The following PAK1 variants were observed in gnomAD, a reference collection of about 807,000 sequenced individuals.
PAK1 encodes p21 (RAC1) activated kinase 1.
A neutral mutation model predicts 67.4 loss-of-function variants in PAK1; 29 were observed. The observed-to-expected ratio is 0.43, with a 90% CI of 0.32 to 0.59. The LOEUF is 0.59. Among genes scored for constraint, PAK1 ranks in the 20% least tolerant of loss-of-function variants. The probability of loss-of-function intolerance (pLI) is 0.07; values close to 1 mark genes in which losing one functional copy is unlikely to be tolerated. For synonymous variants in PAK1, 223 were observed against 237.4 expected, an observed-to-expected ratio of 0.94 and a Z score of 0.56; for missense variants, 337 against 670.7, an observed-to-expected ratio of 0.50 and a Z score of 5.50.
At chr11:77,402,827 G>A (rs1048648438) in intron 1 of PAK1, among the ~76,000 whole-genome samples, 1 of 152,122 alleles carries the variant, frequency 6.6e-6, no homozygotes, top group Admixed American at 6.6e-5. Context: ...ACCTCTAAAA[G>A]GTAATTAGGA....
intron 1 of PAK1, among the ~76,000 whole-genome samples, chr11:77,423,277 C>A (rs934644873): frequency 1.8e-4 from 27 of 150,632 alleles, no homozygotes; most frequent in African/African-American, 6.6e-4. Flanking sequence ...TGAGAATATT[C>A]TTCACAATTT....
At chr11:77,450,708 T>C (rs749163774) in intron 1 of PAK1, among the ~76,000 whole-genome samples, 6 of 152,192 alleles carry the variant, frequency 3.9e-5, no homozygotes, top group Non-Finnish European at 7.4e-5. Flanking sequence ...GTTCCAGTTT[T>C]TGAGACACTT....
At chr11:77,324,570 T>C (rs1339573326) in intron 14 of PAK1, among the ~76,000 whole-genome samples, 1 of 152,172 alleles carries the variant, frequency 6.6e-6, no homozygotes, top group Non-Finnish European at 1.5e-5. Context: ...CTTAAAGCTG[T>C]AGGATGTTCT....
At chr11:77,397,905 A>G (rs932188429) in intron 1 of PAK1, among the ~76,000 whole-genome samples, 4 of 152,270 alleles carry the variant, frequency 2.6e-5, no homozygotes, top group African/African-American at 7.2e-5. Flanking sequence ...GAGTAGGGAT[A>G]GAACCCTCTT....
chr11:77,382,810 C>T (rs939747200), intron 2 of PAK1, among the ~76,000 whole-genome samples: 15 of 152,078 alleles, frequency 9.9e-5, no homozygotes, highest in African/African-American at 3.6e-4. Context: ...CCAGCCTGGC[C>T]AACATGGTGA....
Position 77,423,283 on chromosome 11 carries a change from A to C in PAK1, c.-21-30742T>G, listed in dbSNP as rs547537704. 7.9e-5 allele frequency among the ~76,000 whole-genome samples: 12 copies of C among 151,410 alleles called. No homozygotes were observed. In the East Asian group the frequency reaches 2.3e-3, roughly 29 times the overall value. On this transcript the variant is annotated intron_variant, in intron 1 of 14. Coordinates refer to ENST00000356341, the MANE Select transcript of PAK1 (RefSeq NM_002576.5). ...AAGGAAGACTGAGAATATTCTTCACAATTTGATATATTCCCAATAAGGCAG... is the reference window on the plus strand; with the variant it reads ...AAGGAAGACTGAGAATATTCTTCACCATTTGATATATTCCCAATAAGGCAG...
chr11:77,347,178 T>C, intron 9 of PAK1: 2 of 427,998 alleles, frequency 4.7e-6, no homozygotes, highest in East Asian at 7.1e-5. Flanking sequence ...ACGCATACAA[T>C]GAATTTAAAT....
chr11:77,509,553 T>C, the PAK1 span, among the ~76,000 whole-genome samples: 1 of 152,176 alleles, frequency 6.6e-6, no homozygotes, highest in Non-Finnish European at 1.5e-5. Flanking sequence ...CACAGATAAC[T>C]GGTGATATAG....
At chr11:77,505,350 G>C in the PAK1 span, among the ~76,000 whole-genome samples, 41 of 152,044 alleles carry the variant, frequency 2.7e-4, no homozygotes, top group Non-Finnish European at 5.0e-4. Context: ...ATCAGGCCCA[G>C]CTAATTTTTA....
rs760361839 is a variant in PAK1 at position 77,374,295 on chromosome 11, G to A, written c.477+33C>T. 6 of 1,443,134 alleles carry A rather than the reference G, an allele frequency of 4.2e-6. No homozygotes were observed. The African/African-American group carries it at 8.4e-5, about 20-fold the overall frequency. 89.4% of individuals were successfully genotyped at this position (1,443,134 alleles called of 1,614,324 possible). ...TGTCTTGATCCTTACCTCCACATCT[G>A]CCCACATCAAAATAGAGTAAATAAA... On this transcript the variant is annotated intron_variant, in intron 5 of 14. Transcript: ENST00000356341.
At chr11:77,520,867 C>T in the PAK1 span, among the ~76,000 whole-genome samples, 726 of 152,176 alleles carry the variant, frequency 4.8e-3, 9 homozygotes, top group African/African-American at 0.017. Flanking sequence ...AGTGAGGTGT[C>T]GCTCTTTCTC....
At chr11:77,509,904 T>C in the PAK1 span, among the ~76,000 whole-genome samples, 1 of 152,150 alleles carries the variant, frequency 6.6e-6, no homozygotes, top group South Asian at 2.1e-4. Flanking sequence ...TAAACCTCTC[T>C]TCTGTATAAG....
At chr11:77,469,963 G>C (rs1052350845) in intron 1 of PAK1, among the ~76,000 whole-genome samples, 2 of 152,004 alleles carry the variant, frequency 1.3e-5, no homozygotes, top group African/African-American at 4.8e-5. Flanking sequence ...ACAGTCAAAA[G>C]CCTCGTTTTT....
chr11:77,426,113 C>A (rs1955534610), intron 1 of PAK1, among the ~76,000 whole-genome samples: 1 of 149,110 alleles, frequency 6.7e-6, no homozygotes, highest in Non-Finnish European at 1.5e-5. Flanking sequence ...CACCACACGG[C>A]CCTCTCCTAA....
At chr11:77,401,075 A>G (rs2137700758) in intron 1 of PAK1, among the ~76,000 whole-genome samples, 1 of 152,358 alleles carries the variant, frequency 6.6e-6, no homozygotes, top group Admixed American at 6.5e-5. Flanking sequence ...AGAAGAAGAA[A>G]TAAAACCTGT....
At chr11:77,349,606 G>C (rs966090903) in intron 8 of PAK1, 1 of 287,744 alleles carries the variant, frequency 3.5e-6, no homozygotes, top group African/African-American at 2.1e-5. Context: ...GAGAATACAA[G>C]ATAATTTAAA....
chr11:77,490,437 G>A, the PAK1 span, among the ~76,000 whole-genome samples: 131 of 128,922 alleles, frequency 1.0e-3, no homozygotes, highest in African/African-American at 3.4e-3. Flanking sequence ...CCGGCCAGCC[G>A]CCCCGTCTGG....
intron 1 of PAK1, among the ~76,000 whole-genome samples, chr11:77,459,407 TA>T (rs761035383): frequency 2.0e-5 from 3 of 151,840 alleles, no homozygotes; most frequent in Admixed American, 1.3e-4. Flanking sequence ...AATAAACTGG[TA>T]AAAAAAACTA....
intron 11 of PAK1, 92 bp downstream of exon 11, chr11:77,340,554 G>A: frequency 1.3e-6 from 1 of 756,220 alleles, no homozygotes; most frequent in East Asian, 2.4e-5. Context: ...ATTCCACAGA[G>A]CCCAGGCTGA....
Sources: gnomAD v4.1 joint callset for allele counts (sites outside exome capture counted in the v4.1 genomes callset) on GRCh38, gnomAD v4.1.1 for gene constraint, MANE v1.5 for transcripts, NCBI Gene and HGNC (gene_info 2026-07-23, HGNC 2026-07-21) for gene names.